The following LRFN5 variants were observed in gnomAD, a reference collection of about 807,000 sequenced individuals.
LRFN5 encodes the protein leucine rich repeat and fibronectin type III domain containing 5.
In LRFN5, 24 loss-of-function variants were observed where a neutral mutation model predicts 45.6. The ratio of observed to expected loss-of-function variants is 0.53; its 90% CI spans 0.38 to 0.74. The LOEUF is 0.74. LRFN5 is among the 30% of genes least tolerant of loss of function. The pLI, the probability that LRFN5 is intolerant of heterozygous loss-of-function variation, is 0.00. For missense variants in LRFN5, 776 were observed against 861.5 expected (o/e 0.90, Z 1.24); for synonymous variants, 340 against 313.8 (o/e 1.08, Z -0.88).
At chr14:41,636,013 G>A (rs1249992888) in intron 1 of LRFN5, among the ~76,000 whole-genome samples, 1 of 152,080 alleles carries the variant, frequency 6.6e-6, no homozygotes, top group African/African-American at 2.4e-5. Flanking sequence ...AGAACTGACT[G>A]GGTGGACTCC....
chr14:41,710,764 C>T (rs1000987112), intron 1 of LRFN5, among the ~76,000 whole-genome samples: 1 of 151,894 alleles, frequency 6.6e-6, no homozygotes, highest in Non-Finnish European at 1.5e-5. Flanking sequence ...TGTTATCCCT[C>T]CCCCGTCCCC....
chr14:41,723,820 C>T (rs1883823114), intron 1 of LRFN5, among the ~76,000 whole-genome samples: 1 of 152,124 alleles, frequency 6.6e-6, no homozygotes, highest in African/African-American at 2.4e-5. Context: ...TAGTCTCTGG[C>T]CTGAAACTAA....
intron 1 of LRFN5, among the ~76,000 whole-genome samples, chr14:41,729,962 T>A (rs1884098020): frequency 6.6e-6 from 1 of 151,872 alleles, no homozygotes; most frequent in Admixed American, 6.6e-5. Context: ...ACTGGAAGAA[T>A]TAGTATTAAA....
At chr14:41,795,608 G>T (rs1357915322) in intron 2 of LRFN5, among the ~76,000 whole-genome samples, 4 of 152,144 alleles carry the variant, frequency 2.6e-5, no homozygotes, top group Admixed American at 6.6e-5. Context: ...AAAAAATGAT[G>T]AGTTCATGTC....
At chr14:41,841,077 G>GA (rs537156159) in intron 2 of LRFN5, among the ~76,000 whole-genome samples, 196 of 145,370 alleles carry the variant, frequency 1.3e-3, no homozygotes, top group African/African-American at 4.2e-3. Context: ...TAGCAATATG[G>GA]AAAAAAAAAA....
intron 2 of LRFN5, among the ~76,000 whole-genome samples, chr14:41,856,954 G>A (rs1277947963): frequency 3.3e-5 from 5 of 151,328 alleles, no homozygotes; most frequent in Admixed American, 6.6e-5. Flanking sequence ...GTGAGCCACC[G>A]CGTCCGGCCT....
chr14:41,863,583 G>A (rs1163783826), intron 2 of LRFN5, among the ~76,000 whole-genome samples: 3 of 152,080 alleles, frequency 2.0e-5, no homozygotes, highest in Non-Finnish European at 4.4e-5. Flanking sequence ...TTTTATAGAC[G>A]TTTTCCTTAT....
At chr14:41,758,552 G>GA (rs1441481442) in intron 1 of LRFN5, among the ~76,000 whole-genome samples, 1 of 152,168 alleles carries the variant, frequency 6.6e-6, no homozygotes, top group African/African-American at 2.4e-5. Flanking sequence ...CAGATTCACA[G>GA]ATTTAACAAG....
intron 1 of LRFN5, among the ~76,000 whole-genome samples, chr14:41,669,500 A>T (rs1054410392): frequency 6.6e-6 from 1 of 152,038 alleles, no homozygotes; most frequent in African/African-American, 2.4e-5. Context: ...TAGAAATTCA[A>T]ATTAAAGCAA....
intron 2 of LRFN5, among the ~76,000 whole-genome samples, chr14:41,808,774 A>G (rs1196648874): frequency 6.6e-6 from 1 of 152,082 alleles, no homozygotes; most frequent in East Asian, 1.9e-4. Flanking sequence ...AACATAATTC[A>G]CTATTAGGAT....
chr14:41,851,607 T>C (rs2139076220), intron 2 of LRFN5, among the ~76,000 whole-genome samples: 1 of 151,946 alleles, frequency 6.6e-6, no homozygotes, highest in East Asian at 1.9e-4. Flanking sequence ...AAACTTATGG[T>C]GGTTGTTTAA....
chr14:41,732,296 G>A (rs184848407), intron 1 of LRFN5, among the ~76,000 whole-genome samples: 142 of 152,206 alleles, frequency 9.3e-4, no homozygotes, highest in African/African-American at 3.2e-3. Context: ...GGCAGTGGCC[G>A]TTATTGTTTC....
intron 1 of LRFN5, among the ~76,000 whole-genome samples, chr14:41,728,874 G>GT (rs1410758601): frequency 6.6e-6 from 1 of 152,172 alleles, no homozygotes; most frequent in African/African-American, 2.4e-5. Flanking sequence ...CAAGCATGTT[G>GT]TTTTTTGTGA....
At chr14:41,827,346 CAAG>C (rs1000314493) in intron 2 of LRFN5, among the ~76,000 whole-genome samples, 2 of 151,722 alleles carry the variant, frequency 1.3e-5, no homozygotes, top group Admixed American at 6.6e-5. Flanking sequence ...TTCTAATTTT[CAAG>C]AAGAAGTAAA....
rs564343684 is a variant in LRFN5 at position 41,679,687 on chromosome 14, G to A, written c.-197+71125G>A. ...AGGTGTGACCCAGCACATTCCCAGCGGTGGTAGCTATGGAAAGGGACACTT... is the reference window on the plus strand; with the variant it reads ...AGGTGTGACCCAGCACATTCCCAGCAGTGGTAGCTATGGAAAGGGACACTT... On this transcript the variant is annotated intron_variant, in intron 1 of 5. Coordinates refer to ENST00000298119, the MANE Select transcript of LRFN5 (RefSeq NM_152447.5). 1.1e-3 allele frequency among the ~76,000 whole-genome samples: 161 copies of A among 152,176 alleles called. 1 individual carries two copies. The highest frequency in any genetic ancestry group is 1.3e-3 in the Non-Finnish European group (88 of 68,010).
At position 41,762,753 on chromosome 14, in the gene LRFN5, A is replaced by G. The variant is rs973096909; in HGVS notation, c.-196-4101A>G. Among the ~76,000 whole-genome samples, 4 of 152,102 alleles carry G rather than the reference A, an allele frequency of 2.6e-5. No individual in the cohort carries two copies. In the East Asian group the frequency reaches 7.7e-4, roughly 29 times the overall value. The stretch of plus-strand genomic sequence containing the variant: ...CTATTTTATCTCAATATATTATTAC[A>G]TAAGTATAAATAAGTAATTGAATGA... On this transcript the variant is annotated intron_variant, in intron 1 of 5. Transcript: ENST00000298119.
chr14:41,634,883 A>C (rs765839004), intron 1 of LRFN5, among the ~76,000 whole-genome samples: 2 of 152,146 alleles, frequency 1.3e-5, no homozygotes, highest in Non-Finnish European at 2.9e-5. Flanking sequence ...ATATAATATG[A>C]AAAATGCATT....
chr14:41,788,152 A>G (rs1307750537), intron 2 of LRFN5, among the ~76,000 whole-genome samples: 1 of 152,092 alleles, frequency 6.6e-6, no homozygotes, highest in Non-Finnish European at 1.5e-5. Context: ...ATATTTTATT[A>G]TGTCAGCCCA....
intron 1 of LRFN5, among the ~76,000 whole-genome samples, chr14:41,717,406 A>G (rs1883536440): frequency 6.6e-6 from 1 of 152,190 alleles, no homozygotes; most frequent in African/African-American, 2.4e-5. Flanking sequence ...AATTTTTTCT[A>G]TGTCTTGCTA....
Sources: gnomAD v4.1 joint callset for allele counts (sites outside exome capture counted in the v4.1 genomes callset) on GRCh38, gnomAD v4.1.1 for gene constraint, MANE v1.5 for transcripts, NCBI Gene and HGNC (gene_info 2026-07-23, HGNC 2026-07-21) for gene names.